The following ATM variants were observed in gnomAD, a reference collection of about 807,000 sequenced individuals.
ATM encodes the protein serine-protein kinase ATM.
A neutral mutation model predicts 387.0 loss-of-function variants in ATM; 308 were observed. That is an observed-to-expected ratio of 0.80 (90% CI 0.73 to 0.87). The LOEUF is 0.87. Ranked by LOEUF, ATM falls within the 40% of genes least tolerant of loss-of-function variation. The pLI, the probability that ATM is intolerant of heterozygous loss-of-function variation, is 0.00. For missense variants in ATM, 3,312 were observed against 3,560.9 expected (o/e 0.93, Z 1.78); for synonymous variants, 1,156 against 1,187.3 (o/e 0.97, Z 0.54).
At chr11:108,334,184 C>T (rs984626213) in intron 54 of ATM, among the ~76,000 whole-genome samples, 5 of 150,252 alleles carry the variant, frequency 3.3e-5, no homozygotes, top group Non-Finnish European at 7.4e-5. Context: ...TTCTGTTCTA[C>T]ACCTCCCATC....
At chr11:108,246,609 G>A (rs1037851757) in intron 7 of ATM, among the ~76,000 whole-genome samples, 3 of 152,156 alleles carry the variant, frequency 2.0e-5, no homozygotes, top group Non-Finnish European at 2.9e-5. Context: ...GAAGGAACTC[G>A]TAATATTTTT....
At chr11:108,268,355 T>C (rs1431356349) in intron 17 of ATM, 55 bp from the exon 18 acceptor site, 12 of 1,518,932 alleles carry the variant, frequency 7.9e-6, no homozygotes, top group Non-Finnish European at 1.1e-5. Context: ...TTAATATGAC[T>C]ATATATGGCT....
At chr11:108,261,289 G>A (rs2080867779) in intron 16 of ATM, among the ~76,000 whole-genome samples, 1 of 152,228 alleles carries the variant, frequency 6.6e-6, no homozygotes, top group Non-Finnish European at 1.5e-5. Context: ...GGAGATCTGA[G>A]AACGGGCAGA....
Position 108,279,472 on chromosome 11 carries a change from T to TTTGC in ATM, c.3285-11_3285-8dup. 1 of 1,532,140 alleles carries TTTGC rather than the reference T, an allele frequency of 6.5e-7. No individual in the cohort carries two copies. Among genetic ancestry groups the TTTGC allele is most frequent in the South Asian group, 1.1e-5 (1 of 87,460 alleles). The allele number at this position is 1,532,140 out of a possible 1,614,324, so 94.9% of individuals were successfully genotyped here. ...AATTATTTCACTTTTTGTTTGTTTGTTTGCTTGCTTGTTTTAAGATTGTTC... is the reference window on the plus strand; with the variant it reads ...AATTATTTCACTTTTTGTTTGTTTGTTTGCTTGCTTGCTTGTTTTAAGATTGTTC... On this transcript the variant is annotated intron_variant, in intron 22 of 62. Transcript: ENST00000675843.
At position 108,271,376 on chromosome 11, in the gene ATM, G is replaced by T. The variant is rs1565425832; in HGVS notation, c.3047G>T (p.Gly1016Val). The change falls in exon 20 of 63, where the codon GGA becomes GTA. Residue 1016 changes from glycine (G) to valine (V), a missense_variant. Gly to Val is a moderately radical substitution (Grantham distance 109). Transcript: ENST00000675843. Reference sequence around the variant, plus strand: ...TCTGAGAACACAAGGGATGCTCAAGGACAGTTTCTTACAGTAATTGGAGCA... The same window carrying T: ...TCTGAGAACACAAGGGATGCTCAAGTACAGTTTCTTACAGTAATTGGAGCA... ...MDSENTRDAQ[G>V]QFLTVIGAFW... 1.2e-6 allele frequency: 2 copies of T among 1,614,034 alleles called. No individual in the cohort carries two copies. The highest frequency in any genetic ancestry group is 8.5e-7 in the Non-Finnish European group (1 of 1,179,998).
intron 51 of ATM, 102 bp from the exon 52 acceptor site, chr11:108,331,777 A>G (rs1815421276): frequency 7.1e-7 from 1 of 1,406,844 alleles, no homozygotes. Context: ...TACCCACTGC[A>G]GTATCTAGAC....
rs759768341 is a variant in ATM, at chr11:108,367,282, C to T, written c.*1774C>T. On this transcript the variant is annotated 3_prime_UTR_variant, in exon 63 of 63. Coordinates refer to ENST00000675843, the MANE Select transcript of ATM (RefSeq NM_000051.4). ...GATTACAGGTGTGAGCCACCGCGCC[C>T]GGCCTCATTCCCCTCATTTTTGACC... The T allele has an allele frequency of 1.7e-5, 3 of 181,066 alleles. No homozygotes were observed. The highest frequency in any genetic ancestry group is 2.0e-4 in the South Asian group (1 of 5,066). 11.2% of individuals were successfully genotyped at this position (181,066 alleles called of 1,614,324 possible).
At chr11:108,266,331 G>T (rs911606764) in intron 16 of ATM, among the ~76,000 whole-genome samples, 3 of 152,028 alleles carry the variant, frequency 2.0e-5, no homozygotes, top group Non-Finnish European at 4.4e-5. Flanking sequence ...CATGTCCTTT[G>T]TTAGGGACAT....
intron 16 of ATM, among the ~76,000 whole-genome samples, chr11:108,261,176 C>G (rs2080857631): frequency 6.6e-6 from 1 of 152,248 alleles, no homozygotes; most frequent in African/African-American, 2.4e-5. Flanking sequence ...GGCTCCACCT[C>G]TGGGGGCAGG....
intron 61 of ATM, among the ~76,000 whole-genome samples, chr11:108,359,057 C>T (rs1254418908): frequency 3.0e-4 from 44 of 148,754 alleles, no homozygotes; most frequent in South Asian, 2.6e-3. Context: ...ACCCATCTCA[C>T]GTGCAGAGAC....
At position 108,251,548 on chromosome 11, in the gene ATM, CGT is replaced by C. The variant is rs546617328; in HGVS notation, c.1608-286_1608-285del. ...AGGTCTTATTCCTTCTAATTGTATACGTGTATCCAAAAGACTTTCTTTAAAGA... is the reference window on the plus strand; with the variant it reads ...AGGTCTTATTCCTTCTAATTGTATACGTATCCAAAAGACTTTCTTTAAAGA... On this transcript the variant is annotated intron_variant, in intron 10 of 62. Coordinates refer to ENST00000675843, the MANE Select transcript of ATM (RefSeq NM_000051.4). 5.3e-5 allele frequency among the ~76,000 whole-genome samples: 8 copies of C among 152,224 alleles called. No individual in the cohort carries two copies. In the South Asian group the frequency reaches 1.2e-3, roughly 24 times the overall value.
At chr11:108,240,639 TAGA>T (rs1395050034) in intron 5 of ATM, among the ~76,000 whole-genome samples, 1 of 152,038 alleles carries the variant, frequency 6.6e-6, no homozygotes, top group African/African-American at 2.4e-5. Context: ...TATATAAACA[TAGA>T]GGAGGTACAG....
intron 39 of ATM, among the ~76,000 whole-genome samples, chr11:108,311,816 A>T (rs1437044561): frequency 6.6e-6 from 1 of 152,180 alleles, no homozygotes; most frequent in African/African-American, 2.4e-5. Flanking sequence ...TAGACACCAC[A>T]GCTGTCATGG....
intron 5 of ATM, among the ~76,000 whole-genome samples, chr11:108,238,317 T>C (rs2079399819): frequency 6.6e-6 from 1 of 151,990 alleles, no homozygotes. Flanking sequence ...TTCTTTAATT[T>C]TATATATTAA....
At chr11:108,320,515 CAG>C (rs1021653231) in intron 44 of ATM, among the ~76,000 whole-genome samples, 95 of 152,230 alleles carry the variant, frequency 6.2e-4, no homozygotes, top group South Asian at 8.3e-4. Flanking sequence ...ATGTTTATCA[CAG>C]AAATAAAATT....
chr11:108,329,004 G>T lies in ATM; in HGVS notation c.7090-17G>T, dbSNP rs1555121895. On this transcript the variant is annotated splice_polypyrimidine_tract_variant and intron_variant, in intron 48 of 62. Transcript: ENST00000675843. ...GTATTTGTAAATATAATTTAAATTG[G>T]TTGTGTTTTCTTGAAGGCAGTAGAA... 6.2e-7 allele frequency: 1 copy of T among 1,602,098 alleles called. No homozygotes were observed. The highest frequency in any genetic ancestry group is 8.6e-7 in the Non-Finnish European group (1 of 1,169,276).
chr11:108,345,717 T>C, intron 57 of ATM, 26 bp from the exon 58 acceptor site: 4 of 1,485,500 alleles, frequency 2.7e-6, no homozygotes, highest in Non-Finnish European at 3.7e-6. Context: ...TATTGAAAAA[T>C]AATTATATAT....
intron 5 of ATM, chr11:108,236,134 C>A: frequency 2.4e-6 from 1 of 410,676 alleles, no homozygotes; most frequent in Non-Finnish European, 4.5e-6. Flanking sequence ...AACCAGAGTT[C>A]ATAATGTGCT....
chr11:108,339,982 A>C (rs1009245729), intron 56 of ATM, among the ~76,000 whole-genome samples: 23 of 152,188 alleles, frequency 1.5e-4, no homozygotes, highest in Admixed American at 1.5e-3. Context: ...GTTGGGTTAG[A>C]TACTCTACTG....
Sources: allele counts gnomAD v4.1 joint callset (sites outside exome capture counted in the v4.1 genomes callset), GRCh38; gene constraint gnomAD v4.1.1; transcripts MANE v1.5; gene names NCBI Gene and HGNC (gene_info 2026-07-23, HGNC 2026-07-21).